Variants in KSR2 observed in about 807,000 individuals in gnomAD.
KSR2 encodes kinase suppressor of ras 2.
Under a neutral mutation model 107.8 loss-of-function variants are expected in KSR2, and 25 were observed. The ratio of observed to expected loss-of-function variants is 0.23; its 90% confidence interval spans 0.17 to 0.32. The LOEUF is 0.32. Ranked by LOEUF, KSR2 falls within the 10% of genes least tolerant of loss-of-function variation. The pLI is 1.00. For missense variants in KSR2, 887 were observed against 1,268.9 expected (o/e 0.70, Z 4.57); for synonymous variants, 480 against 507.0 (o/e 0.95, Z 0.71).
At chr12:117,687,763 C>A (rs1216751775) in intron 4 of KSR2, among the ~76,000 whole-genome samples, 1 of 152,104 alleles carries the variant, frequency 6.6e-6, no homozygotes, top group East Asian at 1.9e-4. Flanking sequence ...CCAATCAGAC[C>A]AATCTGAGTC....
At chr12:117,539,296 T>G (rs1454426456) in intron 10 of KSR2, among the ~76,000 whole-genome samples, 1 of 152,072 alleles carries the variant, frequency 6.6e-6, no homozygotes, top group African/African-American at 2.4e-5. Flanking sequence ...GCCCCTAAGA[T>G]CTCCAGCACA....
chr12:117,689,394 T>C (rs1383786861), intron 4 of KSR2, among the ~76,000 whole-genome samples: 1 of 152,178 alleles, frequency 6.6e-6, no homozygotes, highest in African/African-American at 2.4e-5. Flanking sequence ...AATGAGGTGG[T>C]TCTATAACAG....
chr12:117,664,814 G>C (rs893121627), intron 5 of KSR2, among the ~76,000 whole-genome samples: 1 of 152,152 alleles, frequency 6.6e-6, no homozygotes, highest in African/African-American at 2.4e-5. Flanking sequence ...TCAGTTTCTT[G>C]ATCTGTAACA....
chr12:117,562,106 G>A (rs1456586880), intron 7 of KSR2, among the ~76,000 whole-genome samples: 6 of 152,196 alleles, frequency 3.9e-5, no homozygotes, highest in Non-Finnish European at 1.5e-5. Flanking sequence ...CCTTGGGTAG[G>A]TGTCAAGGGT....
intron 7 of KSR2, among the ~76,000 whole-genome samples, chr12:117,573,472 G>A (rs1490661629): frequency 6.7e-6 from 1 of 150,272 alleles, no homozygotes; most frequent in Non-Finnish European, 1.5e-5. Flanking sequence ...CAGAGTCAGG[G>A]TTCAAATATA....
chr12:117,678,331 C>A (rs1425597164), intron 4 of KSR2, among the ~76,000 whole-genome samples: 1 of 151,994 alleles, frequency 6.6e-6, no homozygotes, highest in Non-Finnish European at 1.5e-5. Context: ...CACTCTGGTG[C>A]CAGAAAGAGG....
At chr12:117,584,829 CATT>C (rs1439985796) in intron 5 of KSR2, among the ~76,000 whole-genome samples, 1 of 152,208 alleles carries the variant, frequency 6.6e-6, no homozygotes, top group Non-Finnish European at 1.5e-5. Flanking sequence ...GTCAGGCTAT[CATT>C]ATTCCCGTTG....
chr12:117,932,732 G>T (rs1895729021), intron 1 of KSR2, among the ~76,000 whole-genome samples: 1 of 151,182 alleles, frequency 6.6e-6, no homozygotes, highest in South Asian at 2.1e-4. Context: ...AAATAAATAG[G>T]CCGGGTGCAG....
At chr12:117,516,693 T>C (rs898108651) in intron 14 of KSR2, among the ~76,000 whole-genome samples, 5 of 152,074 alleles carry the variant, frequency 3.3e-5, no homozygotes, top group Admixed American at 6.6e-5. Context: ...TGTGGAGAAA[T>C]TAAGACAAGC....
chr12:117,707,901 A>C (rs2136641994), intron 4 of KSR2, among the ~76,000 whole-genome samples: 1 of 152,276 alleles, frequency 6.6e-6, no homozygotes, highest in East Asian at 1.9e-4. Flanking sequence ...TATTTCCCCT[A>C]GGGTGATCCT....
At chr12:117,580,064 T>C (rs1879547181) in intron 6 of KSR2, among the ~76,000 whole-genome samples, 1 of 152,170 alleles carries the variant, frequency 6.6e-6, no homozygotes. Flanking sequence ...GAGTTATATC[T>C]AATCTCCACT....
At chr12:117,759,417 T>C (rs1037331656) in intron 4 of KSR2, among the ~76,000 whole-genome samples, 5 of 152,220 alleles carry the variant, frequency 3.3e-5, no homozygotes, top group African/African-American at 9.7e-5. Context: ...TATCTGCCCC[T>C]GTACAGAAAA....
intron 3 of KSR2, among the ~76,000 whole-genome samples, chr12:117,848,241 T>G (rs1365006510): frequency 1.3e-5 from 2 of 152,184 alleles, no homozygotes; most frequent in Non-Finnish European, 2.9e-5. Flanking sequence ...AGCACTCTGA[T>G]AGCTGGGCCA....
At position 117,582,319 on chromosome 12, in the gene KSR2, G is replaced by A. The variant is rs757718503; in HGVS notation, c.1212C>T (p.Arg404=). 5.6e-6 allele frequency: 9 copies of A among 1,613,756 alleles called. No individual in the cohort carries two copies. The highest frequency in any genetic ancestry group is 1.6e-4 in the Middle Eastern group (1 of 6,084). ...GCTTGATGGAGTTGCCGAGATCTCT[G>A]CGAGGGATCTGCGGGGACCAGCGTG... ...SVPRWSPQIP[R]RDLGNSIKHR... Residue 404 remains arginine (R), a synonymous_variant, in exon 6 of 20, where the codon CGC becomes CGT. Transcript: ENST00000339824.
At chr12:117,622,894 G>T (rs1882267263) in intron 5 of KSR2, among the ~76,000 whole-genome samples, 1 of 152,194 alleles carries the variant, frequency 6.6e-6, no homozygotes, top group African/African-American at 2.4e-5. Context: ...CTCTTGGAAT[G>T]CATTGTTGGG....
chr12:117,968,075 C>T lies in KSR2; in HGVS notation c.180+1G>A. 8.0e-7 allele frequency: 1 copy of T among 1,250,594 alleles called. No homozygotes were observed. Among genetic ancestry groups the T allele is most frequent in the Non-Finnish European group, 1.1e-6 (1 of 873,646 alleles). 77.5% of individuals were successfully genotyped at this position (1,250,594 alleles called of 1,614,324 possible). On this transcript the variant is annotated splice_donor_variant, in intron 1 of 19. Transcript: ENST00000339824. LOFTEE classifies it high-confidence loss of function. The stretch of plus-strand genomic sequence containing the variant: ...TTTTTTTTCCCGTAGGCAACACCTA[C>T]CTCCAGGGTCCGGATTTCTTTTTGT...
At chr12:117,764,217 G>A (rs549833342) in intron 3 of KSR2, among the ~76,000 whole-genome samples, 35 of 150,976 alleles carry the variant, frequency 2.3e-4, no homozygotes, top group African/African-American at 7.8e-4. Context: ...GCTGATGGTC[G>A]AGCCTTCCAG....
intron 4 of KSR2, among the ~76,000 whole-genome samples, chr12:117,731,317 G>A (rs1157023292): frequency 3.4e-5 from 5 of 148,500 alleles, no homozygotes; most frequent in African/African-American, 5.1e-5. Flanking sequence ...CCCAGCAGCC[G>A]CCCCGTCTGA....
intron 5 of KSR2, among the ~76,000 whole-genome samples, chr12:117,583,735 C>T (rs1329486632): frequency 6.6e-6 from 1 of 152,112 alleles, no homozygotes. Context: ...AGCTTGCAGG[C>T]CCCAGAGAGC....
Sources: gnomAD v4.1 joint callset for allele counts (sites outside exome capture counted in the v4.1 genomes callset) on GRCh38, gnomAD v4.1.1 for gene constraint, MANE v1.5 for transcripts, NCBI Gene and HGNC (gene_info 2026-07-23, HGNC 2026-07-21) for gene names.